The following ST8SIA4 variants were observed in gnomAD, a reference collection of about 807,000 sequenced individuals.
ST8SIA4 encodes the protein CMP-N-acetylneuraminate-poly-alpha-2,8-sialyltransferase.
A neutral mutation model predicts 33.9 loss-of-function variants in ST8SIA4; 15 were observed. The ratio of observed to expected loss-of-function variants is 0.44; its 90% CI spans 0.30 to 0.68. The LOEUF is 0.68. Among genes scored for constraint, ST8SIA4 ranks in the 30% least tolerant of loss-of-function variants. The pLI is 0.10. For synonymous variants in ST8SIA4, 171 were observed against 151.2 expected, an observed-to-expected ratio of 1.13 and a Z score of -0.96; for missense variants, 321 against 428.0, an observed-to-expected ratio of 0.75 and a Z score of 2.21.
In ST8SIA4 at chr5:100,849,248, C is replaced by A. The variant is rs867371097; in HGVS notation, c.797+6855G>T. On this transcript the variant is annotated intron_variant, in intron 4 of 4. Coordinates refer to ENST00000231461, the MANE Select transcript of ST8SIA4 (RefSeq NM_005668.6). The stretch of plus-strand genomic sequence containing the variant: ...TTCTTAGAGCCCAAAGGAATCTATA[C>A]GATTATATACATTGGTACGTATATT... 4.2e-5 allele frequency: 41 copies of A among 984,794 alleles called. No individual in the cohort carries two copies. In the South Asian group the frequency reaches 1.6e-3, roughly 38 times the overall value. 61.0% of individuals were successfully genotyped at this position (984,794 alleles called of 1,614,324 possible).
intron 4 of ST8SIA4, among the ~76,000 whole-genome samples, chr5:100,823,163 A>AC (rs201213872): frequency 0.041 from 5,150 of 126,548 alleles, 116 homozygotes; most frequent in African/African-American, 0.045. Context: ...AAACAAACAA[A>AC]AAAACCCCAC....
intron 3 of ST8SIA4, among the ~76,000 whole-genome samples, chr5:100,870,584 G>C (rs966163031): frequency 6.6e-6 from 1 of 152,022 alleles, no homozygotes; most frequent in African/African-American, 2.4e-5. Flanking sequence ...CTTTGTTTCA[G>C]AAAATGGGTG....
intron 4 of ST8SIA4, among the ~76,000 whole-genome samples, chr5:100,843,249 CTAAT>C (rs1212063635): frequency 3.3e-5 from 5 of 151,836 alleles, no homozygotes; most frequent in African/African-American, 1.2e-4. Context: ...CTTTAAATGA[CTAAT>C]TAGAGAATGG....
chr5:100,863,407 T>G (rs917915611), intron 3 of ST8SIA4, among the ~76,000 whole-genome samples: 1 of 152,170 alleles, frequency 6.6e-6, no homozygotes, highest in Non-Finnish European at 1.5e-5. Flanking sequence ...TCAGAACACA[T>G]GAATTCAAAT....
At chr5:100,829,257 C>T (rs921658505) in intron 4 of ST8SIA4, among the ~76,000 whole-genome samples, 3 of 152,144 alleles carry the variant, frequency 2.0e-5, no homozygotes, top group Admixed American at 2.0e-4. Context: ...CTCTCTCTCC[C>T]CTCCAAATAG....
At chr5:100,850,408 A>G (rs1014463165) in intron 4 of ST8SIA4, among the ~76,000 whole-genome samples, 1 of 151,892 alleles carries the variant, frequency 6.6e-6, no homozygotes, top group East Asian at 1.9e-4. Context: ...TGGTACATAT[A>G]TATTACTTTT....
intron 1 of ST8SIA4, among the ~76,000 whole-genome samples, chr5:100,897,427 G>A (rs1299997410): frequency 6.6e-6 from 1 of 152,066 alleles, no homozygotes; most frequent in African/African-American, 2.4e-5. Flanking sequence ...TATGGTATAC[G>A]AATAGTAACC....
intron 4 of ST8SIA4, among the ~76,000 whole-genome samples, chr5:100,848,334 A>G (rs1475102519): frequency 6.6e-6 from 1 of 150,940 alleles, no homozygotes; most frequent in Non-Finnish European, 1.5e-5. Flanking sequence ...AATAATAAAC[A>G]TATATACTAT....
intron 4 of ST8SIA4, among the ~76,000 whole-genome samples, chr5:100,821,967 G>A (rs1462311700): frequency 6.6e-6 from 1 of 152,192 alleles, no homozygotes; most frequent in Non-Finnish European, 1.5e-5. Flanking sequence ...CTTCCCAGCT[G>A]AGGAAAACCT....
intron 3 of ST8SIA4, among the ~76,000 whole-genome samples, chr5:100,880,827 T>G (rs1416738528): frequency 6.6e-6 from 1 of 152,204 alleles, no homozygotes; most frequent in Non-Finnish European, 1.5e-5. Context: ...AAGGCACTTT[T>G]ATGGCAATTT....
At chr5:100,884,595 T>C (rs1471344251) in intron 3 of ST8SIA4, among the ~76,000 whole-genome samples, 1 of 152,152 alleles carries the variant, frequency 6.6e-6, no homozygotes, top group East Asian at 1.9e-4. Flanking sequence ...TGAAGCAAGG[T>C]TGGCCACCAG....
Position 100,897,266 on chromosome 5 carries a change from G to T in ST8SIA4, c.114-1481C>A, listed in dbSNP as rs545622703. Among the ~76,000 whole-genome samples, 5 of 152,220 alleles carry T rather than the reference G, an allele frequency of 3.3e-5. No individual in the cohort carries two copies. The South Asian group carries it at 8.3e-4, about 25-fold the overall frequency. On this transcript the variant is annotated intron_variant, in intron 1 of 4. Coordinates refer to ENST00000231461, the MANE Select transcript of ST8SIA4 (RefSeq NM_005668.6). Reference sequence around the variant, plus strand: ...ATCATGTGGCATGGTACTAGCTGAGGTGCTGGTGGGAGTGATGATGCTGGC... The same window carrying T: ...ATCATGTGGCATGGTACTAGCTGAGTTGCTGGTGGGAGTGATGATGCTGGC...
intron 4 of ST8SIA4, among the ~76,000 whole-genome samples, chr5:100,818,849 T>A (rs980935325): frequency 1.3e-5 from 2 of 152,316 alleles, no homozygotes; most frequent in Non-Finnish European, 2.9e-5. Context: ...TTCTATTCAG[T>A]ACCGATGTAT....
chr5:100,840,728 C>T (rs1288573255), intron 4 of ST8SIA4, among the ~76,000 whole-genome samples: 1 of 151,574 alleles, frequency 6.6e-6, no homozygotes, highest in Non-Finnish European at 1.5e-5. Context: ...GGTCTCTTTT[C>T]CAGTCAGCCT....
At chr5:100,888,960 T>C (rs1013146068) in intron 2 of ST8SIA4, among the ~76,000 whole-genome samples, 4 of 151,818 alleles carry the variant, frequency 2.6e-5, no homozygotes, top group Non-Finnish European at 5.9e-5. Flanking sequence ...GTACAGAAAA[T>C]CCTATACAAA....
At chr5:100,884,887 G>T (rs539212826) in intron 3 of ST8SIA4, among the ~76,000 whole-genome samples, 1 of 152,258 alleles carries the variant, frequency 6.6e-6, no homozygotes, top group African/African-American at 2.4e-5. Context: ...AAAGTTTAGA[G>T]GGACACAGAA....
chr5:100,811,816 G>T lies in ST8SIA4; in HGVS notation c.*31C>A. On this transcript the variant is annotated 3_prime_UTR_variant, in exon 5 of 5. Coordinates refer to ENST00000231461, the MANE Select transcript of ST8SIA4 (RefSeq NM_005668.6). ...AATCTTCGGAAGCATCTTCAGAAAA[G>T]AAGTGCATATTGTTTGTTTCAAAAT... 6.4e-7 allele frequency: 1 copy of T among 1,565,352 alleles called. No homozygotes were observed. Among genetic ancestry groups the T allele is most frequent in the Non-Finnish European group, 8.6e-7 (1 of 1,157,134 alleles).
At chr5:100,883,268 T>G (rs897012065) in intron 3 of ST8SIA4, among the ~76,000 whole-genome samples, 5 of 152,184 alleles carry the variant, frequency 3.3e-5, no homozygotes, top group African/African-American at 1.2e-4. Context: ...GCTTTAAAAT[T>G]TGACTGCCTC....
intron 2 of ST8SIA4, among the ~76,000 whole-genome samples, chr5:100,887,485 A>C (rs945431069): frequency 1.3e-5 from 2 of 152,084 alleles, no homozygotes; most frequent in Admixed American, 1.3e-4. Context: ...TTTGGCCACT[A>C]AATTTTAAGG....
Sources: allele counts gnomAD v4.1 joint callset (sites outside exome capture counted in the v4.1 genomes callset), GRCh38; gene constraint gnomAD v4.1.1; transcripts MANE v1.5; gene names NCBI Gene and HGNC (gene_info 2026-07-23, HGNC 2026-07-21).